ZNF407: variants seen among roughly 807,000 people sequenced by gnomAD.
ZNF407 encodes the protein zinc finger protein 407.
A neutral mutation model predicts 131.2 loss-of-function variants in ZNF407; 17 were observed. That is an observed-to-expected ratio of 0.13 (90% CI 0.09 to 0.19). The LOEUF (loss-of-function observed/expected upper bound fraction) is 0.19, where lower values mean the gene tolerates loss of function less well. ZNF407 is among the 10% of genes least tolerant of loss of function. The pLI is 1.00. For missense variants in ZNF407, 2,681 were observed against 2,830.6 expected (o/e 0.95, Z 1.20); for synonymous variants, 1,156 against 1,062.0 (o/e 1.09, Z -1.72).
intron 3 of ZNF407, among the ~76,000 whole-genome samples, chr18:74,777,347 A>G (rs1969493742): frequency 6.6e-6 from 1 of 152,134 alleles, no homozygotes. Context: ...TTTTAAAAAC[A>G]GTATTATTTT....
intron 4 of ZNF407, among the ~76,000 whole-genome samples, chr18:74,868,337 G>C (rs1971041438): frequency 6.6e-6 from 1 of 152,184 alleles, no homozygotes; most frequent in African/African-American, 2.4e-5. Flanking sequence ...TTTGTGGGTT[G>C]TATGCATATG....
At chr18:74,711,119 T>C (rs1007708960) in intron 3 of ZNF407, among the ~76,000 whole-genome samples, 9 of 152,084 alleles carry the variant, frequency 5.9e-5, no homozygotes, top group Non-Finnish European at 1.3e-4. Context: ...TTAATGGGAG[T>C]GGGCTGGGGA....
At chr18:74,716,208 T>C (rs150082639) in intron 3 of ZNF407, among the ~76,000 whole-genome samples, 28 of 152,366 alleles carry the variant, frequency 1.8e-4, no homozygotes, top group African/African-American at 6.7e-4. Context: ...TTTTGATAGC[T>C]GAGAAGTTAA....
At chr18:74,676,731 G>A (rs1986409339) in intron 3 of ZNF407, among the ~76,000 whole-genome samples, 1 of 152,172 alleles carries the variant, frequency 6.6e-6, no homozygotes, top group Non-Finnish European at 1.5e-5. Flanking sequence ...ACTGTGCCCG[G>A]CCAGTATTTT....
chr18:74,714,663 A>T (rs1265873754), intron 3 of ZNF407, among the ~76,000 whole-genome samples: 1 of 152,162 alleles, frequency 6.6e-6, no homozygotes, highest in Admixed American at 6.5e-5. Flanking sequence ...TTGCATAGCC[A>T]TTGTATTATT....
At chr18:74,802,311 A>C (rs1444561042) in intron 4 of ZNF407, among the ~76,000 whole-genome samples, 1 of 152,180 alleles carries the variant, frequency 6.6e-6, no homozygotes, top group Non-Finnish European at 1.5e-5. Flanking sequence ...TGATGTTACT[A>C]GTTAATAGGC....
chr18:74,910,960 A>T (rs1380318305), intron 7 of ZNF407, among the ~76,000 whole-genome samples: 2 of 152,222 alleles, frequency 1.3e-5, no homozygotes, highest in East Asian at 3.9e-4. Context: ...TGTGATCCTC[A>T]TAGACCTGGT....
intron 3 of ZNF407, among the ~76,000 whole-genome samples, chr18:74,656,076 C>A (rs961357845): frequency 2.0e-5 from 3 of 151,774 alleles, no homozygotes; most frequent in Non-Finnish European, 4.4e-5. Flanking sequence ...TTTTTTATTG[C>A]TGCTTCTGTA....
chr18:74,786,875 G>A (rs1182114097), intron 4 of ZNF407, among the ~76,000 whole-genome samples: 1 of 129,956 alleles, frequency 7.7e-6, no homozygotes, highest in Non-Finnish European at 1.6e-5. Flanking sequence ...GTGTGATCTC[G>A]GCTCACTGTG....
chr18:74,663,200 C>T (rs543141315), intron 3 of ZNF407, among the ~76,000 whole-genome samples: 1 of 152,250 alleles, frequency 6.6e-6, no homozygotes, highest in East Asian at 1.9e-4. Flanking sequence ...GGCATAAGGG[C>T]ATCGTGCTTG....
chr18:74,905,409 C>CA (rs1433757015), intron 7 of ZNF407: 1 of 152,242 alleles, frequency 6.6e-6, no homozygotes, highest in East Asian at 1.9e-4. Flanking sequence ...GCCTGCTGTT[C>CA]AGGAGCGTCT....
intron 3 of ZNF407, among the ~76,000 whole-genome samples, chr18:74,711,349 T>G (rs1024130624): frequency 1.3e-5 from 2 of 152,140 alleles, no homozygotes; most frequent in Non-Finnish European, 2.9e-5. Flanking sequence ...CAGCTGACCT[T>G]AAAACAGAGA....
chr18:74,996,107 A>G (rs1261938026), intron 8 of ZNF407, among the ~76,000 whole-genome samples: 1 of 152,178 alleles, frequency 6.6e-6, no homozygotes, highest in Non-Finnish European at 1.5e-5. Context: ...AATGTTTACA[A>G]ATTGAATAGT....
intron 4 of ZNF407, among the ~76,000 whole-genome samples, chr18:74,835,099 C>A (rs754629338): frequency 5.9e-5 from 9 of 152,068 alleles, no homozygotes; most frequent in Admixed American, 2.0e-4. Context: ...ATTCCAGGGT[C>A]CTGTGATAGG....
rs1243293430 is a variant in ZNF407 at position 74,631,445 on chromosome 18, T to C, written c.426T>C (p.Val142=). Reference sequence around the variant, plus strand: ...CTTGCAATTTTAGCACTATTGATGTTGTTTCTCTGAAAACAGACACTGAAA... The same window carrying C: ...CTTGCAATTTTAGCACTATTGATGTCGTTTCTCTGAAAACAGACACTGAAA... ...SPSCNFSTID[V]VSLKTDTEKT... Residue 142 remains valine (V), a synonymous_variant, in exon 2 of 9, where the codon GTT becomes GTC. Transcript: ENST00000299687. The C allele has an allele frequency of 6.2e-7, 1 of 1,613,910 alleles. No homozygotes were observed. The highest frequency in any genetic ancestry group is 1.3e-5 in the African/African-American group (1 of 74,932).
chr18:74,772,966 A>G (rs1969392520), intron 3 of ZNF407, among the ~76,000 whole-genome samples: 1 of 152,226 alleles, frequency 6.6e-6, no homozygotes, highest in Admixed American at 6.5e-5. Context: ...AGGTGGTACA[A>G]TTGATAGAAT....
At chr18:74,630,845 A>G in intron 1 of ZNF407, 122 bp from the exon 2 acceptor site, 1 of 645,506 alleles carries the variant, frequency 1.5e-6, no homozygotes, top group Non-Finnish European at 2.4e-6. Flanking sequence ...ATGTAATCAA[A>G]TTCATCTCAG....
intron 8 of ZNF407, among the ~76,000 whole-genome samples, chr18:74,953,381 T>C (rs910584880): frequency 2.0e-5 from 3 of 151,178 alleles, no homozygotes; most frequent in African/African-American, 7.3e-5. Context: ...GATTTTGTTA[T>C]CTGTTTTTTT....
At chr18:75,007,334 G>T (rs1482395318) in intron 8 of ZNF407, among the ~76,000 whole-genome samples, 1 of 150,060 alleles carries the variant, frequency 6.7e-6, no homozygotes, top group Non-Finnish European at 1.5e-5. Context: ...TGTTCTTTTG[G>T]TGGTTAGCTT....
Sources: gnomAD v4.1 joint callset for allele counts (sites outside exome capture counted in the v4.1 genomes callset) on GRCh38, gnomAD v4.1.1 for gene constraint, MANE v1.5 for transcripts, NCBI Gene and HGNC (gene_info 2026-07-23, HGNC 2026-07-21) for gene names.